MTUS2: variants seen among roughly 807,000 people sequenced by gnomAD.
MTUS2 encodes the protein microtubule associated scaffold protein 2.
Under a neutral mutation model 114.1 loss-of-function variants are expected in MTUS2, and 40 were observed. The ratio of observed to expected loss-of-function variants is 0.35; its 90% confidence interval spans 0.27 to 0.46. MTUS2 has a LOEUF of 0.46. Among genes scored for constraint, MTUS2 ranks in the 20% least tolerant of loss-of-function variants. The probability of loss-of-function intolerance (pLI) is 1.00; values close to 1 mark genes in which losing one functional copy is unlikely to be tolerated. For synonymous variants in MTUS2, 688 were observed against 672.0 expected, an observed-to-expected ratio of 1.02 and a Z score of -0.37; for missense variants, 1,679 against 1,705.4, an observed-to-expected ratio of 0.98 and a Z score of 0.27.
intron 10 of MTUS2, among the ~76,000 whole-genome samples, chr13:29,483,161 C>A (rs1038684107): frequency 6.6e-6 from 1 of 152,216 alleles, no homozygotes; most frequent in African/African-American, 2.4e-5. Flanking sequence ...CCTTCTGGAA[C>A]CTTAAAAATC....
At chr13:28,889,654 C>A (rs564971474) in intron 2 of MTUS2, among the ~76,000 whole-genome samples, 3 of 151,312 alleles carry the variant, frequency 2.0e-5, no homozygotes, top group East Asian at 3.9e-4. Flanking sequence ...ATTTTTTTTT[C>A]CTCTTAGAAG....
At chr13:28,936,859 A>T (rs918181084) in intron 2 of MTUS2, among the ~76,000 whole-genome samples, 1 of 152,086 alleles carries the variant, frequency 6.6e-6, no homozygotes, top group Non-Finnish European at 1.5e-5. Flanking sequence ...GGGCAGGGGA[A>T]GCCTGTCTGT....
chr13:29,336,557 T>C (rs1467084035), intron 7 of MTUS2, among the ~76,000 whole-genome samples: 1 of 152,154 alleles, frequency 6.6e-6, no homozygotes, highest in Non-Finnish European at 1.5e-5. Context: ...GCTGGAGCTT[T>C]CCTGTATGAG....
chr13:29,173,919 A>G (rs943619835), intron 5 of MTUS2, among the ~76,000 whole-genome samples: 22 of 152,120 alleles, frequency 1.4e-4, no homozygotes, highest in African/African-American at 5.3e-4. Context: ...AGATTTTAAA[A>G]TCTCTCCTCC....
chr13:28,941,572 T>C (rs1029598559), intron 2 of MTUS2, among the ~76,000 whole-genome samples: 10 of 152,156 alleles, frequency 6.6e-5, no homozygotes, highest in African/African-American at 2.4e-4. Context: ...AATGTTTAGC[T>C]TAACAGAAGA....
At chr13:29,198,636 T>G (rs1298273607) in intron 5 of MTUS2, among the ~76,000 whole-genome samples, 1 of 152,214 alleles carries the variant, frequency 6.6e-6, no homozygotes, top group Non-Finnish European at 1.5e-5. Context: ...GGGGATAGCA[T>G]TGAATCTATA....
At chr13:29,221,106 ACTCTATGTAGGAATTAGCTTCTCACCTGC>A (rs1232218080) in intron 5 of MTUS2, among the ~76,000 whole-genome samples, 25 of 151,960 alleles carry the variant, frequency 1.6e-4, no homozygotes, top group Admixed American at 1.3e-3. Flanking sequence ...CATGTCACCC[ACTCTATGTAGGAATTAGCTTCTCACCTGC>A]CTGTGCATCT....
intron 2 of MTUS2, among the ~76,000 whole-genome samples, chr13:29,012,043 A>G (rs933534614): frequency 6.6e-6 from 1 of 152,166 alleles, no homozygotes. Context: ...TGATGTTAGA[A>G]TGATGTATTT....
chr13:28,925,365 G>A (rs1011915642), intron 2 of MTUS2, among the ~76,000 whole-genome samples: 1 of 152,114 alleles, frequency 6.6e-6, no homozygotes, highest in African/African-American at 2.4e-5. Context: ...TTTTCATTGA[G>A]TACATGAAAA....
intron 2 of MTUS2, among the ~76,000 whole-genome samples, chr13:29,023,956 A>T (rs1274175450): frequency 6.6e-6 from 1 of 152,268 alleles, no homozygotes; most frequent in East Asian, 1.9e-4. Context: ...TAAAGATAAA[A>T]TTTTCGTTTT....
At chr13:29,216,957 G>T (rs138223677) in intron 5 of MTUS2, among the ~76,000 whole-genome samples, 23 of 152,278 alleles carry the variant, frequency 1.5e-4, no homozygotes, top group Non-Finnish European at 2.8e-4. Flanking sequence ...TGGGTGTGAG[G>T]TGGCATCAGT....
chr13:28,943,872 C>T (rs576131415), intron 2 of MTUS2, among the ~76,000 whole-genome samples: 1 of 152,230 alleles, frequency 6.6e-6, no homozygotes, highest in East Asian at 1.9e-4. Flanking sequence ...CTCAGGAGTG[C>T]TTTTATCCAT....
At chr13:29,033,739 G>A in intron 3 of MTUS2, 146 bp from the exon 4 acceptor site, 1 of 886,348 alleles carries the variant, frequency 1.1e-6, no homozygotes, top group South Asian at 1.7e-5. Context: ...CGAAGACACT[G>A]TGGCCCGGGG....
intron 2 of MTUS2, among the ~76,000 whole-genome samples, chr13:28,853,795 A>G (rs990758095): frequency 7.9e-5 from 12 of 152,240 alleles, no homozygotes; most frequent in African/African-American, 2.4e-4. Context: ...CCTTAGCCAA[A>G]TAAAAACAGA....
intron 5 of MTUS2, among the ~76,000 whole-genome samples, chr13:29,278,335 A>G (rs1898142763): frequency 6.6e-6 from 1 of 152,222 alleles, no homozygotes; most frequent in Non-Finnish European, 1.5e-5. Flanking sequence ...AAGTGTGAAG[A>G]CAAGCCAAAG....
At chr13:28,953,007 T>C (rs1882884413) in intron 2 of MTUS2, among the ~76,000 whole-genome samples, 1 of 152,230 alleles carries the variant, frequency 6.6e-6, no homozygotes, top group Non-Finnish European at 1.5e-5. Context: ...TTTTTAACAG[T>C]TGCCATTAGC....
At chr13:29,497,202 T>C (rs2139005251) in intron 12 of MTUS2, 36 bp from the exon 13 acceptor site, 1 of 1,581,840 alleles carries the variant, frequency 6.3e-7, no homozygotes, top group East Asian at 2.2e-5. Context: ...CTGTCTGTAG[T>C]GGCCCCAGCT....
intron 2 of MTUS2, among the ~76,000 whole-genome samples, chr13:29,014,938 C>T (rs1050783391): frequency 2.0e-5 from 3 of 152,254 alleles, no homozygotes; most frequent in African/African-American, 7.2e-5. Context: ...TGCATGGACT[C>T]TTCTTCCTCC....
intron 9 of MTUS2, among the ~76,000 whole-genome samples, chr13:29,442,943 A>G (rs1878000576): frequency 6.6e-6 from 1 of 152,204 alleles, no homozygotes; most frequent in Admixed American, 6.5e-5. Flanking sequence ...GGTCTTAGTT[A>G]AGATAGAAAA....
Sources: gnomAD v4.1 joint callset for allele counts (sites outside exome capture counted in the v4.1 genomes callset) on GRCh38, gnomAD v4.1.1 for gene constraint, MANE v1.5 for transcripts, NCBI Gene and HGNC (gene_info 2026-07-23, HGNC 2026-07-21) for gene names.